Variants in EVI5 observed in about 807,000 individuals in gnomAD.
EVI5 encodes the protein ecotropic viral integration site 5 protein homolog.
EVI5 carries 73 observed loss-of-function variants against 112.0 expected under a neutral mutation model. That is an observed-to-expected ratio of 0.65 (90% CI 0.54 to 0.79). The LOEUF (loss-of-function observed/expected upper bound fraction) is 0.79, where lower values mean the gene tolerates loss of function less well. Ranked by LOEUF, EVI5 falls within the 30% of genes least tolerant of loss-of-function variation. The pLI is 0.00. For synonymous variants in EVI5, 305 were observed against 319.9 expected, an observed-to-expected ratio of 0.95 and a Z score of 0.50; for missense variants, 900 against 968.8, an observed-to-expected ratio of 0.93 and a Z score of 0.94.
intron 19 of EVI5, among the ~76,000 whole-genome samples, chr1:92,551,208 AT>A (rs1355288797): frequency 2.0e-5 from 3 of 151,428 alleles, no homozygotes; most frequent in African/African-American, 4.9e-5. Context: ...CACCCAGCTA[AT>A]TTTTGTAGAG....
At chr1:92,704,300 T>C (rs1430553089) in intron 3 of EVI5, among the ~76,000 whole-genome samples, 1 of 152,170 alleles carries the variant, frequency 6.6e-6, no homozygotes, top group Non-Finnish European at 1.5e-5. Flanking sequence ...AGCAACAAAG[T>C]GAGTCTTTAT....
At chr1:92,683,871 G>A (rs778381835) in intron 9 of EVI5, among the ~76,000 whole-genome samples, 3 of 152,050 alleles carry the variant, frequency 2.0e-5, no homozygotes, top group Non-Finnish European at 4.4e-5. Context: ...GAAAAGAAAT[G>A]AACAAAGACT....
intron 1 of EVI5, among the ~76,000 whole-genome samples, chr1:92,746,583 G>A (rs1409507559): frequency 1.3e-5 from 2 of 152,140 alleles, no homozygotes; most frequent in Non-Finnish European, 2.9e-5. Flanking sequence ...AAAATTAGCC[G>A]GGTGTAGTGG....
intron 1 of EVI5, among the ~76,000 whole-genome samples, chr1:92,740,743 A>G (rs1006080629): frequency 6.6e-6 from 1 of 152,246 alleles, no homozygotes; most frequent in African/African-American, 2.4e-5. Flanking sequence ...GACTGCTATA[A>G]TTAAAGATAG....
At chr1:92,549,669 C>T (rs1666443465) in intron 19 of EVI5, among the ~76,000 whole-genome samples, 1 of 152,066 alleles carries the variant, frequency 6.6e-6, no homozygotes, top group Non-Finnish European at 1.5e-5. Context: ...ACAAACAACC[C>T]CATCAAAAAG....
At chr1:92,723,716 G>A (rs929377265) in intron 2 of EVI5, among the ~76,000 whole-genome samples, 4 of 152,192 alleles carry the variant, frequency 2.6e-5, no homozygotes, top group Non-Finnish European at 5.9e-5. Context: ...GGGAACAAGG[G>A]AAGATAACCA....
intron 18 of EVI5, among the ~76,000 whole-genome samples, chr1:92,577,952 CAGATGCTTTTGTTT>C (rs1671334898): frequency 6.6e-6 from 1 of 152,112 alleles, no homozygotes; most frequent in Non-Finnish European, 1.5e-5. Context: ...AAACTCTAAA[CAGATGCTTTTGTTT>C]AGTGCAAGGT....
At chr1:92,675,772 C>T (rs567106352) in intron 10 of EVI5, among the ~76,000 whole-genome samples, 3 of 151,926 alleles carry the variant, frequency 2.0e-5, no homozygotes, top group African/African-American at 4.8e-5. Flanking sequence ...CTGGCTAACA[C>T]GGTGAAACCC....
intron 1 of EVI5, among the ~76,000 whole-genome samples, chr1:92,758,918 A>AT (rs1681385225): frequency 6.6e-6 from 1 of 152,102 alleles, no homozygotes; most frequent in African/African-American, 2.4e-5. Context: ...AAGAAGACAA[A>AT]TACTGTCTAA....
In EVI5 at chr1:92,558,412, T is replaced by C. The variant is rs35860730; in HGVS notation, c.2166+5230A>G. On this transcript the variant is annotated intron_variant, in intron 19 of 19. Transcript: ENST00000684568. ...CTTACTACAAATCTTAGCATAAAAA[T>C]AGAGCTCTTGTTTACCTTTCTCTAT... 8.6e-3 allele frequency among the ~76,000 whole-genome samples: 1,304 copies of C among 152,310 alleles called. 18 individuals are homozygous for C. Among genetic ancestry groups the C allele is most frequent in the African/African-American group, 0.03 (1,248 of 41,564 alleles).
intron 19 of EVI5, among the ~76,000 whole-genome samples, chr1:92,528,435 G>C (rs1662290598): frequency 6.6e-6 from 1 of 152,050 alleles, no homozygotes; most frequent in Non-Finnish European, 1.5e-5. Context: ...AATTATAGTA[G>C]TCACCCAGCA....
At chr1:92,660,454 T>C (rs1166110264) in intron 13 of EVI5, among the ~76,000 whole-genome samples, 1 of 151,960 alleles carries the variant, frequency 6.6e-6, no homozygotes, top group Non-Finnish European at 1.5e-5. Flanking sequence ...GGGAAGAGAA[T>C]GGTCAACAGG....
chr1:92,704,670 G>A lies in EVI5; in HGVS notation c.224C>T (p.Ser75Leu). 3 of 1,603,840 alleles carry A rather than the reference G, an allele frequency of 1.9e-6. No individual in the cohort carries two copies. Among genetic ancestry groups the A allele is most frequent in the Non-Finnish European group, 1.7e-6 (2 of 1,173,332 alleles). The stretch of plus-strand genomic sequence containing the variant: ...GAGGTTGCTAGAGGCTGATGAACTC[G>A]ACACAAGAGAAGAGCCACTGTTTCT... ...SRRNSGSSLV[S>L]SSSASSNLSH... is the part of the protein sequence containing the mutation. The change falls in exon 3 of 20, where the codon TCG becomes TTG. Residue 75 changes from serine to leucine, a missense_variant. By Grantham distance (145) the Ser-to-Leu change is moderately radical (BLOSUM62 -2). Coordinates refer to ENST00000684568, the MANE Select transcript of EVI5 (RefSeq NM_001350197.2).
chr1:92,784,570 G>A (rs1327150306), intron 1 of EVI5: 6 of 366,840 alleles, frequency 1.6e-5, no homozygotes, highest in Non-Finnish European at 2.3e-5. Context: ...CCACCGCCCT[G>A]GGACGCCACA....
intron 2 of EVI5, among the ~76,000 whole-genome samples, chr1:92,719,917 C>T (rs9729650): frequency 0.9 from 136,713 of 151,984 alleles, 61,680 homozygotes; most frequent in East Asian, 0.97. Flanking sequence ...AGCAAACTCC[C>T]ATTCACAATT....
chr1:92,761,522 GT>G (rs1363819402), intron 1 of EVI5, among the ~76,000 whole-genome samples: 1 of 152,094 alleles, frequency 6.6e-6, no homozygotes, highest in Non-Finnish European at 1.5e-5. Context: ...TGCATACATC[GT>G]TATGTCTCCC....
intron 19 of EVI5, among the ~76,000 whole-genome samples, chr1:92,561,559 C>T (rs1273641288): frequency 9.4e-6 from 1 of 106,298 alleles, no homozygotes; most frequent in Non-Finnish European, 2.1e-5. Context: ...GACTGACTAT[C>T]TATCTATCTA....
chr1:92,778,122 T>C (rs965058398), intron 1 of EVI5, among the ~76,000 whole-genome samples: 4 of 152,078 alleles, frequency 2.6e-5, no homozygotes, highest in Non-Finnish European at 5.9e-5. Context: ...TTGGCCAGGA[T>C]GGTCTCGATC....
At chr1:92,737,158 T>C (rs1677579879) in intron 1 of EVI5, among the ~76,000 whole-genome samples, 1 of 152,160 alleles carries the variant, frequency 6.6e-6, no homozygotes, top group Admixed American at 6.6e-5. Flanking sequence ...AGGCCCTTGA[T>C]TGATCTCTCT....
Sources: gnomAD v4.1 joint callset for allele counts (sites outside exome capture counted in the v4.1 genomes callset) on GRCh38, gnomAD v4.1.1 for gene constraint, MANE v1.5 for transcripts, NCBI Gene and HGNC (gene_info 2026-07-23, HGNC 2026-07-21) for gene names.